NR3C2: variants seen among roughly 807,000 people sequenced by gnomAD.
The protein encoded by NR3C2 is mineralocorticoid receptor.
Under a neutral mutation model 86.4 loss-of-function variants are expected in NR3C2, and 15 were observed. That is an observed-to-expected ratio of 0.17 (90% CI 0.12 to 0.27). NR3C2 has a LOEUF of 0.27. Ranked by LOEUF, NR3C2 falls within the 10% of genes least tolerant of loss-of-function variation. NR3C2 has a pLI of 1.00. For synonymous variants in NR3C2, 458 were observed against 450.5 expected (o/e 1.02, Z -0.21); for missense variants, 960 against 1,195.6 (o/e 0.80, Z 2.91).
Position 148,221,974 on chromosome 4 carries a change from T to C in NR3C2, c.1898-27112A>G, listed in dbSNP as rs140386160. 2.9e-3 allele frequency among the ~76,000 whole-genome samples: 441 copies of C among 151,872 alleles called. 3 individuals are homozygous for C. The highest frequency in any genetic ancestry group is 0.01 in the African/African-American group (418 of 41,456). ...AATTATAGTAACCTAACTTATAAAT[T>C]TGTGCATACATGTCTGTGTATGTAT... On this transcript the variant is annotated intron_variant, in intron 3 of 8. Transcript: ENST00000358102.
intron 2 of NR3C2, among the ~76,000 whole-genome samples, chr4:148,346,611 T>A (rs1308649787): frequency 6.6e-6 from 1 of 152,076 alleles, no homozygotes; most frequent in Non-Finnish European, 1.5e-5. Flanking sequence ...ATGGTGCACC[T>A]GGGATACAGC....
At chr4:148,239,262 G>A (rs1738897334) in intron 3 of NR3C2, among the ~76,000 whole-genome samples, 1 of 152,206 alleles carries the variant, frequency 6.6e-6, no homozygotes, top group Non-Finnish European at 1.5e-5. Context: ...TGATGTATCA[G>A]CAACATTATT....
At chr4:148,334,888 C>T (rs1299901747) in intron 2 of NR3C2, among the ~76,000 whole-genome samples, 2 of 152,148 alleles carry the variant, frequency 1.3e-5, no homozygotes, top group Non-Finnish European at 1.5e-5. Context: ...CTTCTCTCCT[C>T]GCTTCTGGTG....
intron 2 of NR3C2, among the ~76,000 whole-genome samples, chr4:148,292,938 C>T (rs1253431401): frequency 6.6e-6 from 1 of 152,046 alleles, no homozygotes; most frequent in South Asian, 2.1e-4. Flanking sequence ...GACACCAAGG[C>T]TAGCACAGGG....
At chr4:148,121,733 T>C (rs1338441641) in intron 6 of NR3C2, among the ~76,000 whole-genome samples, 4 of 152,252 alleles carry the variant, frequency 2.6e-5, no homozygotes, top group Admixed American at 1.3e-4. Context: ...AAATTAGATA[T>C]GCACATCCTT....
At chr4:148,365,781 TA>T (rs1561066340) in intron 2 of NR3C2, among the ~76,000 whole-genome samples, 1 of 152,126 alleles carries the variant, frequency 6.6e-6, no homozygotes, top group African/African-American at 2.4e-5. Flanking sequence ...CCTACATTCA[TA>T]ATTAAGGGAA....
At chr4:148,391,704 T>C (rs1055833025) in intron 2 of NR3C2, among the ~76,000 whole-genome samples, 25 of 151,818 alleles carry the variant, frequency 1.6e-4, no homozygotes, top group African/African-American at 6.1e-4. Context: ...CTCTCTCTAC[T>C]AAAAATACAA....
intron 6 of NR3C2, among the ~76,000 whole-genome samples, chr4:148,140,637 T>A (rs66468774): frequency 0.03 from 4,537 of 152,294 alleles, 222 homozygotes; most frequent in African/African-American, 0.1. Flanking sequence ...TTAACTGAAG[T>A]AAAAAGCAAT....
chr4:148,147,480 C>T (rs1310882497), intron 6 of NR3C2, among the ~76,000 whole-genome samples: 1 of 152,230 alleles, frequency 6.6e-6, no homozygotes, highest in Non-Finnish European at 1.5e-5. Flanking sequence ...ATTTATTCAG[C>T]ACATATTTAT....
At chr4:148,084,105 A>G (rs1015403187) in intron 8 of NR3C2, among the ~76,000 whole-genome samples, 4 of 152,236 alleles carry the variant, frequency 2.6e-5, no homozygotes, top group African/African-American at 9.6e-5. Context: ...TCTTCAGGAT[A>G]TTATCCAGGA....
intron 4 of NR3C2, among the ~76,000 whole-genome samples, chr4:148,163,474 C>T (rs1475863404): frequency 1.3e-5 from 2 of 152,158 alleles, no homozygotes; most frequent in East Asian, 1.9e-4. Flanking sequence ...AATACGTTTC[C>T]AAAATATGCA....
chr4:148,392,586 A>T (rs1013679188), intron 2 of NR3C2, among the ~76,000 whole-genome samples: 1 of 152,196 alleles, frequency 6.6e-6, no homozygotes, highest in Non-Finnish European at 1.5e-5. Flanking sequence ...CTCAGCTCTT[A>T]CTTACTGCTC....
At chr4:148,167,894 G>GT (rs1196300184) in intron 4 of NR3C2, among the ~76,000 whole-genome samples, 1 of 152,190 alleles carries the variant, frequency 6.6e-6, no homozygotes, top group African/African-American at 2.4e-5. Context: ...GATAACAAAA[G>GT]TAAGTCAAGC....
intron 8 of NR3C2, among the ~76,000 whole-genome samples, chr4:148,104,683 G>T (rs1184194675): frequency 2.0e-5 from 3 of 152,158 alleles, no homozygotes; most frequent in African/African-American, 7.2e-5. Context: ...AAGAGAGGGT[G>T]AACATTTGTT....
chr4:148,445,100 C>A, upstream of NR3C2: 2 of 632,192 alleles, frequency 3.2e-6, no homozygotes, highest in Non-Finnish European at 3.9e-6. Context: ...GCCGCCCTCC[C>A]ACTACGGCCA....
chr4:148,308,701 A>C (rs1046659131), intron 2 of NR3C2, among the ~76,000 whole-genome samples: 1 of 152,086 alleles, frequency 6.6e-6, no homozygotes, highest in African/African-American at 2.4e-5. Flanking sequence ...TAACAACAAC[A>C]TGTTTCCAGG....
intron 8 of NR3C2, among the ~76,000 whole-genome samples, chr4:148,101,154 C>T (rs1731518543): frequency 6.6e-6 from 1 of 152,126 alleles, no homozygotes; most frequent in Non-Finnish European, 1.5e-5. Flanking sequence ...ACATTTTATG[C>T]TTGTGTATTT....
intron 2 of NR3C2, among the ~76,000 whole-genome samples, chr4:148,308,924 A>G (rs1337321683): frequency 1.3e-5 from 2 of 152,182 alleles, no homozygotes; most frequent in African/African-American, 4.8e-5. Flanking sequence ...TGGAGGTTGC[A>G]GTGAGCTGTG....
chr4:148,175,265 C>T (rs1380803467), intron 4 of NR3C2, among the ~76,000 whole-genome samples: 1 of 152,138 alleles, frequency 6.6e-6, no homozygotes, highest in African/African-American at 2.4e-5. Context: ...TGTCAGCAAC[C>T]CTTGGAGCAG....
Sources: gnomAD v4.1 joint callset for allele counts (sites outside exome capture counted in the v4.1 genomes callset) on GRCh38, gnomAD v4.1.1 for gene constraint, MANE v1.5 for transcripts, NCBI Gene and HGNC (gene_info 2026-07-23, HGNC 2026-07-21) for gene names.